The following SYNE2 variants were observed in gnomAD, a reference collection of about 807,000 sequenced individuals.
SYNE2 encodes nesprin-2.
Under a neutral mutation model 856.3 loss-of-function variants are expected in SYNE2, and 431 were observed. The observed-to-expected ratio is 0.50, with a 90% CI of 0.47 to 0.55. The LOEUF is 0.55. SYNE2 is among the 20% of genes least tolerant of loss of function. The pLI is 0.00. For synonymous variants in SYNE2, 2,923 were observed against 2,872.3 expected, an observed-to-expected ratio of 1.02 and a Z score of -0.56; for missense variants, 8,129 against 8,023.2, an observed-to-expected ratio of 1.01 and a Z score of -0.50.
At chr14:63,864,476 T>C (rs1894667474) in intron 1 of SYNE2, 2 of 152,250 alleles carry the variant, frequency 1.3e-5, no homozygotes, top group African/African-American at 4.8e-5. Context: ...GAAGGTAAGC[T>C]TGTTCCTTGG....
At chr14:63,933,645 T>C (rs2095794000) in intron 2 of SYNE2, among the ~76,000 whole-genome samples, 1 of 152,200 alleles carries the variant, frequency 6.6e-6, no homozygotes, top group South Asian at 2.1e-4. Flanking sequence ...ATTATGTATA[T>C]ATATTTGCCT....
rs372805556 is a variant in SYNE2 at position 63,810,476 on chromosome 14, A to G, written c.-304-42025A>G. 1.5e-4 allele frequency among the ~76,000 whole-genome samples: 23 copies of G among 152,302 alleles called. No individual in the cohort carries two copies. In the East Asian group the frequency reaches 3.9e-3, roughly 26 times the overall value. On this transcript the variant is annotated intron_variant, in intron 1 of 23. Coordinates refer to the SYNE2 transcript ENST00000674003. Reference sequence around the variant, plus strand: ...GATAATTTATGAAAAAGACTCTGGAAAGTACTCTAAAATACAAACAAACTT... The same window carrying G: ...GATAATTTATGAAAAAGACTCTGGAGAGTACTCTAAAATACAAACAAACTT...
chr14:63,825,846 C>T (rs535539411), intron 1 of SYNE2, among the ~76,000 whole-genome samples: 1 of 152,204 alleles, frequency 6.6e-6, no homozygotes, highest in East Asian at 1.9e-4. Flanking sequence ...GCACTCCAGC[C>T]TGGGCAACAA....
intron 1 of SYNE2, among the ~76,000 whole-genome samples, chr14:63,814,723 T>TATATATATCCATATATATATCC (rs1566583804): frequency 2.1e-4 from 17 of 82,058 alleles, no homozygotes; most frequent in African/African-American, 4.8e-4. Flanking sequence ...TATATATCCA[T>TATATATATCCATATATATATCC]ATATATATCC....
chr14:64,017,373 A>ATTTCAATT (rs2096901511), intron 33 of SYNE2, among the ~76,000 whole-genome samples: 1 of 145,410 alleles, frequency 6.9e-6, no homozygotes, highest in Non-Finnish European at 1.5e-5. Context: ...AAGACTATTG[A>ATTTCAATT]TTTCAATTGC....
intron 73 of SYNE2, 45 bp from the exon 74 acceptor site, chr14:64,128,403 TAATG>T (rs761091445): frequency 1.0e-5 from 10 of 973,762 alleles, no homozygotes; most frequent in East Asian, 2.4e-5. Context: ...TAAAAAAAGA[TAATG>T]AAGGCCTAAA....
intron 1 of SYNE2, among the ~76,000 whole-genome samples, chr14:63,859,945 T>TTCCTTACC (rs1555349402): frequency 1.0e-5 from 1 of 100,462 alleles, no homozygotes; most frequent in South Asian, 5.2e-4. Context: ...CTCCCCTTCC[T>TTCCTTACC]TCCCTCCCTC....
At chr14:63,798,811 A>G (rs1888019269) in intron 1 of SYNE2, among the ~76,000 whole-genome samples, 1 of 152,140 alleles carries the variant, frequency 6.6e-6, no homozygotes, top group African/African-American at 2.4e-5. Flanking sequence ...AGCAACACCC[A>G]TCTGTATGGC....
chr14:64,225,767 T>C lies in SYNE2; in HGVS notation c.*241T>C. 1 of 601,986 alleles carries C rather than the reference T, an allele frequency of 1.7e-6. No individual in the cohort carries two copies. Among genetic ancestry groups the C allele is most frequent in the Non-Finnish European group, 3.0e-6 (1 of 336,744 alleles). 37.3% of individuals were successfully genotyped at this position (601,986 alleles called of 1,614,324 possible). On this transcript the variant is annotated 3_prime_UTR_variant, in exon 116 of 116. Coordinates refer to ENST00000555002, the MANE Select transcript of SYNE2 (RefSeq NM_182914.3). ...GGGTATTTTGGCAGAACTAGTTGAT[T>C]AGTTTAGGGATCTCTGGAAATGTCA...
chr14:64,144,451 A>G (rs2098164908), intron 83 of SYNE2, among the ~76,000 whole-genome samples: 1 of 152,220 alleles, frequency 6.6e-6, no homozygotes, highest in Admixed American at 6.5e-5. Context: ...TAGAGAATGC[A>G]TACAAATGGA....
At position 64,188,593 on chromosome 14, in the gene SYNE2, G is replaced by C. The variant is rs1248696659; in HGVS notation, c.17756G>C (p.Trp5919Ser). 2 of 1,614,110 alleles carry C rather than the reference G, an allele frequency of 1.2e-6. No homozygotes were observed. The highest frequency in any genetic ancestry group is 1.7e-5 in the Admixed American group (1 of 60,018). ...KQEIEDRLNTWVVFNEKNKEL... is the reference protein window; with the variant it reads ...KQEIEDRLNTSVVFNEKNKEL... Reference sequence around the variant, plus strand: ...GAGATTGAAGACAGACTCAATACATGGGTTGTATTCAATGAAAAAAATAAA... The same window carrying C: ...GAGATTGAAGACAGACTCAATACATCGGTTGTATTCAATGAAAAAAATAAA... The change falls in exon 98 of 116, where the codon TGG becomes TCG. Residue 5919 changes from tryptophan to serine, a missense_variant. Physicochemically the swap from Trp to Ser is radical, Grantham distance 177 (BLOSUM62 -3). This residue lies in a region of SYNE2 where 5,410 missense variants were observed against 5,284.8 expected (regional missense o/e 1.02). Transcript: ENST00000555002.
intron 1 of SYNE2, among the ~76,000 whole-genome samples, chr14:63,775,392 A>G (rs2139719025): frequency 1.3e-5 from 2 of 151,964 alleles, no homozygotes; most frequent in South Asian, 4.2e-4. Context: ...CTCCTCCCTC[A>G]GCCTCCAAAA....
At chr14:63,902,319 A>G (rs1350105276) in intron 1 of SYNE2, among the ~76,000 whole-genome samples, 2 of 151,214 alleles carry the variant, frequency 1.3e-5, no homozygotes, top group African/African-American at 2.4e-5. Flanking sequence ...GCTGAGGCAC[A>G]AGAATCACTG....
intron 1 of SYNE2, among the ~76,000 whole-genome samples, chr14:63,815,039 TCC>T (rs1888862770): frequency 7.0e-6 from 1 of 143,184 alleles, no homozygotes; most frequent in African/African-American, 2.5e-5. Flanking sequence ...CATATATACA[TCC>T]ACATATATAT....
chr14:64,138,951 GTGTGT>G (rs1567428704), intron 79 of SYNE2, among the ~76,000 whole-genome samples: 5,493 of 106,048 alleles, frequency 0.052, 284 homozygotes, highest in African/African-American at 0.19. Context: ...TGTATGGTGT[GTGTGT>G]GTGTGTGTGT....
intron 1 of SYNE2, among the ~76,000 whole-genome samples, chr14:63,866,526 T>G (rs1490457904): frequency 6.6e-6 from 1 of 152,092 alleles, no homozygotes; most frequent in East Asian, 1.9e-4. Context: ...CTTATCTCAG[T>G]ATTTCTATAT....
intron 1 of SYNE2, among the ~76,000 whole-genome samples, chr14:63,885,910 A>G (rs1216742948): frequency 6.6e-6 from 1 of 152,196 alleles, no homozygotes; most frequent in Non-Finnish European, 1.5e-5. Context: ...GGGAGATAAT[A>G]GTCTAATGAA....
At chr14:64,190,906 C>G in intron 99 of SYNE2, 1 of 697,752 alleles carries the variant, frequency 1.4e-6, no homozygotes, top group Non-Finnish European at 2.6e-6. Flanking sequence ...TTCAAATTCC[C>G]TCTCTAAAGA....
intron 1 of SYNE2, among the ~76,000 whole-genome samples, chr14:63,900,704 T>C (rs908703972): frequency 3.3e-5 from 5 of 152,028 alleles, no homozygotes; most frequent in Admixed American, 1.3e-4. Context: ...GGGAATAGAG[T>C]GGATCTTACA....
Sources: allele counts gnomAD v4.1 joint callset (sites outside exome capture counted in the v4.1 genomes callset), GRCh38; gene constraint gnomAD v4.1.1; regional missense constraint gnomAD v4.1.1; transcripts MANE v1.5; gene names NCBI Gene and HGNC (gene_info 2026-07-23, HGNC 2026-07-21).